Variants in SLC35F4 observed in about 807,000 individuals in gnomAD.
SLC35F4 encodes chromosome 14 open reading frame 36.
Under a neutral mutation model 44.2 loss-of-function variants are expected in SLC35F4, and 24 were observed. The observed-to-expected ratio is 0.54, with a 90% confidence interval of 0.39 to 0.76. SLC35F4 has a LOEUF of 0.76. SLC35F4 is among the 30% of genes least tolerant of loss of function. The pLI is 0.00. For synonymous variants in SLC35F4, 238 were observed against 223.6 expected (o/e 1.06, Z -0.57); for missense variants, 562 against 586.1 (o/e 0.96, Z 0.42).
chr14:57,946,491 T>C (rs1271805895), intron 1 of SLC35F4, among the ~76,000 whole-genome samples: 1 of 137,290 alleles, frequency 7.3e-6, no homozygotes, highest in Non-Finnish European at 1.6e-5. Flanking sequence ...TTTTTTTTTT[T>C]TGAGACCGAG....
intron 1 of SLC35F4, among the ~76,000 whole-genome samples, chr14:57,674,171 C>T (rs2074611931): frequency 6.6e-6 from 1 of 152,006 alleles, no homozygotes; most frequent in African/African-American, 2.4e-5. Flanking sequence ...GATACCACTA[C>T]AATACCCACC....
intron 1 of SLC35F4, among the ~76,000 whole-genome samples, chr14:57,745,308 G>A (rs1354247578): frequency 6.6e-6 from 1 of 152,190 alleles, no homozygotes; most frequent in Non-Finnish European, 1.5e-5. Context: ...CCTACAGAAA[G>A]GGAGAAAATT....
intron 1 of SLC35F4, among the ~76,000 whole-genome samples, chr14:57,729,606 A>G (rs1243833828): frequency 6.6e-6 from 1 of 152,138 alleles, no homozygotes; most frequent in Non-Finnish European, 1.5e-5. Context: ...GCTGGTATCC[A>G]AGGGGAAAGA....
chr14:57,799,071 G>T (rs1440512356), intron 1 of SLC35F4, among the ~76,000 whole-genome samples: 5 of 152,152 alleles, frequency 3.3e-5, no homozygotes, highest in Non-Finnish European at 7.4e-5. Context: ...GGAATGAAAG[G>T]CTGCGAATAA....
chr14:57,969,530 C>G (rs1230297885), intron 1 of SLC35F4, among the ~76,000 whole-genome samples: 1 of 152,084 alleles, frequency 6.6e-6, no homozygotes, highest in Non-Finnish European at 1.5e-5. Flanking sequence ...TCTGTGTAAT[C>G]TGTCTATTCT....
chr14:57,828,169 C>T (rs1020844402), intron 1 of SLC35F4, among the ~76,000 whole-genome samples: 6 of 152,152 alleles, frequency 3.9e-5, no homozygotes, highest in African/African-American at 9.7e-5. Flanking sequence ...TTCAGATGCA[C>T]GTTTGAATCT....
intron 1 of SLC35F4, among the ~76,000 whole-genome samples, chr14:57,645,135 T>A (rs905771458): frequency 6.6e-6 from 1 of 152,168 alleles, no homozygotes; most frequent in Non-Finnish European, 1.5e-5. Flanking sequence ...AACTTTAAAG[T>A]AGTTTTTTCC....
At chr14:57,774,342 T>A (rs1595025641) in intron 1 of SLC35F4, among the ~76,000 whole-genome samples, 1 of 152,280 alleles carries the variant, frequency 6.6e-6, no homozygotes, top group East Asian at 1.9e-4. Flanking sequence ...TGAATGCCCA[T>A]GCAGGAGACC....
At chr14:57,861,548 T>C (rs1225846010) in intron 1 of SLC35F4, among the ~76,000 whole-genome samples, 1 of 152,206 alleles carries the variant, frequency 6.6e-6, no homozygotes, top group African/African-American at 2.4e-5. Context: ...TCATCTATAC[T>C]CACAGTTTCC....
At position 57,596,822 on chromosome 14, in the gene SLC35F4, C is replaced by T. The variant is rs769948785; in HGVS notation, c.104-2698G>A. 18 of 1,367,476 alleles carry T rather than the reference C, an allele frequency of 1.3e-5. No individual in the cohort carries two copies. The Admixed American group carries it at 2.1e-4, about 16-fold the overall frequency. The allele number at this position is 1,367,476 out of a possible 1,614,324, so 84.7% of individuals were successfully genotyped here. ...ACCTCCTGTTCCTTATGTGATATAC[C>T]GCAAAGCCCATTGCCTGCTGCCAGC... On this transcript the variant is annotated intron_variant, in intron 1 of 7. Transcript: ENST00000556826.
intron 1 of SLC35F4, among the ~76,000 whole-genome samples, chr14:57,948,469 T>C (rs1478218489): frequency 1.3e-5 from 2 of 152,170 alleles, no homozygotes; most frequent in African/African-American, 4.8e-5. Context: ...TTTGTTTATC[T>C]TTCCAAATAA....
At chr14:57,584,547 A>T (rs984472859) in intron 3 of SLC35F4, among the ~76,000 whole-genome samples, 6 of 152,206 alleles carry the variant, frequency 3.9e-5, no homozygotes. Flanking sequence ...GGAGGAGGCC[A>T]TTGGAGAACA....
intron 1 of SLC35F4, among the ~76,000 whole-genome samples, chr14:57,678,570 C>G (rs865936415): frequency 6.6e-6 from 1 of 151,874 alleles, no homozygotes; most frequent in Admixed American, 6.6e-5. Context: ...AAGACACAGA[C>G]CCACAAATTG....
chr14:57,818,084 A>G (rs952843842), intron 1 of SLC35F4, among the ~76,000 whole-genome samples: 2 of 152,226 alleles, frequency 1.3e-5, no homozygotes, highest in Admixed American at 6.5e-5. Flanking sequence ...ATCAGTATAT[A>G]TATTAGGTTG....
At chr14:57,891,226 A>C (rs1888757168) in intron 1 of SLC35F4, among the ~76,000 whole-genome samples, 1 of 152,216 alleles carries the variant, frequency 6.6e-6, no homozygotes, top group Non-Finnish European at 1.5e-5. Context: ...TCTTGTGCCT[A>C]AGATCTTTTA....
intron 1 of SLC35F4, among the ~76,000 whole-genome samples, chr14:57,685,068 G>C (rs2075028000): frequency 6.6e-6 from 1 of 152,104 alleles, no homozygotes; most frequent in African/African-American, 2.4e-5. Flanking sequence ...TTGGATAAAA[G>C]AGTATATAAA....
intron 1 of SLC35F4, among the ~76,000 whole-genome samples, chr14:57,648,164 A>T (rs1317630892): frequency 6.6e-6 from 1 of 152,178 alleles, no homozygotes; most frequent in Non-Finnish European, 1.5e-5. Context: ...CTTGGAAAAA[A>T]TTCTGAAGGC....
intron 1 of SLC35F4, among the ~76,000 whole-genome samples, chr14:57,714,828 G>T (rs867906437): frequency 2.0e-4 from 30 of 152,354 alleles, no homozygotes; most frequent in Middle Eastern, 6.8e-3. Flanking sequence ...TACACCACAG[G>T]TGGCTGAGCA....
intron 1 of SLC35F4, among the ~76,000 whole-genome samples, chr14:57,670,392 T>C (rs371069487): frequency 2.0e-5 from 3 of 151,936 alleles, no homozygotes; most frequent in Admixed American, 2.0e-4. Context: ...TGTGTTTGCT[T>C]TTGCTTCTCT....
Sources: allele counts gnomAD v4.1 joint callset (sites outside exome capture counted in the v4.1 genomes callset), GRCh38; gene constraint gnomAD v4.1.1; transcripts MANE v1.5; gene names NCBI Gene and HGNC (gene_info 2026-07-23, HGNC 2026-07-21).